RPH3A: variants seen among roughly 807,000 people sequenced by gnomAD.
The protein encoded by RPH3A is rabphilin 3A.
In RPH3A, 48 loss-of-function variants were observed where a neutral mutation model predicts 102.2. That is an observed-to-expected ratio of 0.47 (90% CI 0.37 to 0.60). RPH3A has a LOEUF of 0.60. Among genes scored for constraint, RPH3A ranks in the 20% least tolerant of loss-of-function variants. The probability of loss-of-function intolerance (pLI) is 0.00; values close to 1 mark genes in which losing one functional copy is unlikely to be tolerated. For synonymous variants in RPH3A, 310 were observed against 324.3 expected (o/e 0.96, Z 0.47); for missense variants, 781 against 910.1 (o/e 0.86, Z 1.83).
At chr12:112,827,111 G>C (rs2136150487) in intron 2 of RPH3A, among the ~76,000 whole-genome samples, 1 of 152,168 alleles carries the variant, frequency 6.6e-6, no homozygotes, top group African/African-American at 2.4e-5. Context: ...CATTTAAAGT[G>C]GACAATTCCG....
chr12:112,789,941 C>T (rs974292665), upstream of RPH3A, among the ~76,000 whole-genome samples: 1 of 151,712 alleles, frequency 6.6e-6, no homozygotes, highest in African/African-American at 2.4e-5. Flanking sequence ...CACCTTGAGT[C>T]CTAGCTACTG....
At chr12:112,880,596 G>T (rs1362081763) in intron 14 of RPH3A, among the ~76,000 whole-genome samples, 1 of 152,072 alleles carries the variant, frequency 6.6e-6, no homozygotes, top group Non-Finnish European at 1.5e-5. Context: ...GAACAAGTGG[G>T]GAAACAAGAT....
intron 1 of RPH3A, among the ~76,000 whole-genome samples, chr12:112,680,305 CT>C (rs2040217836): frequency 6.6e-6 from 1 of 152,134 alleles, no homozygotes; most frequent in African/African-American, 2.4e-5. Context: ...GGAAAATTTC[CT>C]CCTACGACAT....
At chr12:112,796,526 T>C (rs1395034802) in intron 2 of RPH3A, among the ~76,000 whole-genome samples, 1 of 152,214 alleles carries the variant, frequency 6.6e-6, no homozygotes, top group Non-Finnish European at 1.5e-5. Flanking sequence ...TTGGGGCCTG[T>C]GGTCCAGCCA....
chr12:112,868,440 G>A lies in RPH3A; in HGVS notation c.455G>A (p.Arg152His), dbSNP rs757648559. 15 of 1,613,990 alleles carry A rather than the reference G, an allele frequency of 9.3e-6. No individual in the cohort carries two copies. Among genetic ancestry groups the A allele is most frequent in the South Asian group, 2.2e-5 (2 of 91,074 alleles). ...ICIEQREVWK[R>H]SGAWFFKGFP... The stretch of plus-strand genomic sequence containing the variant: ...TCTCTCCTCCCCAAGGTGTGGAAGC[G>A]TTCTGGAGCGTGGTTCTTCAAAGGC... The change falls in exon 8 of 22, where the codon CGT (arginine) becomes CAT (histidine). Residue 152 changes from arginine (R) to histidine (H), a missense_variant. Transcript: ENST00000389385.
intron 4 of RPH3A, among the ~76,000 whole-genome samples, chr12:112,847,455 C>T (rs1016937674): frequency 1.3e-5 from 2 of 152,160 alleles, no homozygotes; most frequent in African/African-American, 4.8e-5. Context: ...CTTTACCCTC[C>T]AGGTTTCCAT....
intron 1 of RPH3A, among the ~76,000 whole-genome samples, chr12:112,675,899 G>T (rs2040170809): frequency 6.6e-6 from 1 of 152,150 alleles, no homozygotes; most frequent in Non-Finnish European, 1.5e-5. Flanking sequence ...TAAATAGGGG[G>T]TGATGATGAA....
intron 1 of RPH3A, among the ~76,000 whole-genome samples, chr12:112,694,381 G>T (rs1042351322): frequency 1.1e-4 from 17 of 151,984 alleles, no homozygotes; most frequent in Non-Finnish European, 2.5e-4. Context: ...GTGATTATCC[G>T]GCAAGTGCCC....
rs1458165055 is a variant in RPH3A at position 112,774,329 on chromosome 12, G to A, written c.-139-17814G>A. On this transcript the variant is annotated intron_variant, in intron 1 of 21. Coordinates refer to the RPH3A transcript ENST00000543106. ...AAAGTTAAGTTTCCAGATTGTCACTGACACATAATGTATTATGCTGATTAA... is the reference window on the plus strand; with the variant it reads ...AAAGTTAAGTTTCCAGATTGTCACTAACACATAATGTATTATGCTGATTAA... Among the ~76,000 whole-genome samples the A allele has an allele frequency of 2.0e-5, 3 of 152,186 alleles. No homozygotes were observed. In the East Asian group the frequency reaches 5.8e-4, roughly 29 times the overall value.
chr12:112,806,173 A>T (rs1442317209), intron 2 of RPH3A, among the ~76,000 whole-genome samples: 2 of 152,238 alleles, frequency 1.3e-5, no homozygotes, highest in Non-Finnish European at 2.9e-5. Context: ...CTTACTGCAA[A>T]TACCTTTTGT....
At chr12:112,582,997 G>C (rs934094794) in intron 1 of RPH3A, among the ~76,000 whole-genome samples, 1 of 152,074 alleles carries the variant, frequency 6.6e-6, no homozygotes, top group Non-Finnish European at 1.5e-5. Context: ...AAACTTGCTG[G>C]GTGGGTGGCT....
At chr12:112,816,864 A>C (rs759453367) in intron 2 of RPH3A, among the ~76,000 whole-genome samples, 2 of 152,204 alleles carry the variant, frequency 1.3e-5, no homozygotes, top group Non-Finnish European at 2.9e-5. Context: ...TATTCATAAT[A>C]AATTAAGGAT....
intron 2 of RPH3A, among the ~76,000 whole-genome samples, chr12:112,808,354 G>A (rs1165935398): frequency 6.6e-6 from 1 of 152,212 alleles, no homozygotes; most frequent in African/African-American, 2.4e-5. Context: ...CCCCAGCCGC[G>A]GCAGCTGGTG....
rs140084614 is a variant in RPH3A, at chr12:112,698,975, C to A, written c.-139-93168C>A. Among the ~76,000 whole-genome samples, 895 of 149,362 alleles carry A rather than the reference C, an allele frequency of 6.0e-3. 7 individuals are homozygous for A. The highest frequency in any genetic ancestry group is 8.2e-3 in the Non-Finnish European group (554 of 67,490). Reference sequence around the variant, plus strand: ...GGGTCTTGCTCTGTTGCCCAGGATGCAGTGCTGTGATTATGGCTCACTTCA... The same window carrying A: ...GGGTCTTGCTCTGTTGCCCAGGATGAAGTGCTGTGATTATGGCTCACTTCA... On this transcript the variant is annotated intron_variant, in intron 1 of 21. Transcript: ENST00000543106.
At chr12:112,740,361 G>T (rs2136054358) in intron 1 of RPH3A, among the ~76,000 whole-genome samples, 1 of 152,242 alleles carries the variant, frequency 6.6e-6, no homozygotes. Context: ...GCTTTATTTT[G>T]TTTCACTTTT....
At chr12:112,610,577 A>G (rs1347434531) in intron 1 of RPH3A, among the ~76,000 whole-genome samples, 1 of 151,048 alleles carries the variant, frequency 6.6e-6, no homozygotes, top group African/African-American at 2.4e-5. Flanking sequence ...TCTGCAGTCC[A>G]TTATCTTATT....
intron 1 of RPH3A, among the ~76,000 whole-genome samples, chr12:112,725,765 T>TG (rs1469314973): frequency 1.1e-5 from 1 of 94,266 alleles, no homozygotes; most frequent in Non-Finnish European, 2.3e-5. Flanking sequence ...TGAGTGTAGT[T>TG]TTTGTTGTTG....
chr12:112,809,987 A>G lies in RPH3A; in HGVS notation c.-19+17724A>G, dbSNP rs113358441. 1.2e-4 allele frequency among the ~76,000 whole-genome samples: 19 copies of G among 152,294 alleles called. 1 individual carries two copies. The highest frequency in any genetic ancestry group is 3.6e-4 in the African/African-American group (15 of 41,572). Reference sequence around the variant, plus strand: ...TCTATATGATAAGAGCTTGGCATTCAGTTTTCTATGGCTTCGGTATCCCCA... The same window carrying G: ...TCTATATGATAAGAGCTTGGCATTCGGTTTTCTATGGCTTCGGTATCCCCA... On this transcript the variant is annotated intron_variant, in intron 2 of 21. Transcript: ENST00000389385.
chr12:112,607,637 C>A (rs185463072), intron 1 of RPH3A, among the ~76,000 whole-genome samples: 1 of 152,164 alleles, frequency 6.6e-6, no homozygotes, highest in Admixed American at 6.6e-5. Flanking sequence ...TGAAGGGTTT[C>A]CAGCAAGTTA....
Sources: allele counts gnomAD v4.1 joint callset (sites outside exome capture counted in the v4.1 genomes callset), GRCh38; gene constraint gnomAD v4.1.1; transcripts MANE v1.5; gene names NCBI Gene and HGNC (gene_info 2026-07-23, HGNC 2026-07-21).